PPP3CA: variants seen among roughly 807,000 people sequenced by gnomAD.
The protein encoded by PPP3CA is protein phosphatase 3 catalytic subunit alpha.
In PPP3CA, 14 loss-of-function variants were observed where a neutral mutation model predicts 66.5. The ratio of observed to expected loss-of-function variants is 0.21; its 90% CI spans 0.14 to 0.33. PPP3CA has a LOEUF of 0.33. Ranked by LOEUF, PPP3CA falls within the 10% of genes least tolerant of loss-of-function variation. The pLI is 1.00. For missense variants in PPP3CA, 317 were observed against 639.5 expected (o/e 0.50, Z 5.44); for synonymous variants, 232 against 226.2 (o/e 1.03, Z -0.23).
At chr4:101,134,295 G>T (rs1287855740) in intron 2 of PPP3CA, among the ~76,000 whole-genome samples, 2 of 152,140 alleles carry the variant, frequency 1.3e-5, no homozygotes, top group African/African-American at 4.8e-5. Context: ...TCATCAGAAT[G>T]AACAGGCAAC....
chr4:101,156,272 T>C (rs1169063395), intron 2 of PPP3CA, among the ~76,000 whole-genome samples: 3 of 151,892 alleles, frequency 2.0e-5, no homozygotes, highest in African/African-American at 7.3e-5. Flanking sequence ...ACCACACCAG[T>C]CCCCATGTGA....
intron 1 of PPP3CA, among the ~76,000 whole-genome samples, chr4:101,231,841 T>C (rs766736979): frequency 1.4e-4 from 21 of 151,728 alleles, no homozygotes; most frequent in Non-Finnish European, 2.7e-4. Context: ...AATCTCCTTG[T>C]TAAAAATTCC....
At chr4:101,289,247 A>C (rs2110286945) in intron 1 of PPP3CA, among the ~76,000 whole-genome samples, 1 of 152,378 alleles carries the variant, frequency 6.6e-6, no homozygotes, top group East Asian at 1.9e-4. Flanking sequence ...ACATATATAC[A>C]TATAGGTGTA....
chr4:101,180,409 C>T (rs947450501), intron 2 of PPP3CA, among the ~76,000 whole-genome samples: 13 of 152,096 alleles, frequency 8.5e-5, no homozygotes, highest in Non-Finnish European at 1.5e-4. Flanking sequence ...AAAGGACAGA[C>T]TGTGAAAATA....
At chr4:101,042,187 T>C (rs900161911) in intron 10 of PPP3CA, among the ~76,000 whole-genome samples, 1 of 151,142 alleles carries the variant, frequency 6.6e-6, no homozygotes, top group Non-Finnish European at 1.5e-5. Context: ...TTTTTTTTTT[T>C]TTTTTTGCCC....
intron 1 of PPP3CA, among the ~76,000 whole-genome samples, chr4:101,240,031 T>G (rs866289664): frequency 0.036 from 1,298 of 36,290 alleles, 22 homozygotes; most frequent in African/African-American, 0.056. Context: ...ATTTTTTTGG[T>G]TTTTTTTTGG....
intron 1 of PPP3CA, among the ~76,000 whole-genome samples, chr4:101,283,326 G>A (rs1210263971): frequency 1.3e-5 from 2 of 152,138 alleles, no homozygotes; most frequent in Admixed American, 6.5e-5. Context: ...AATACTCTCT[G>A]TAACAAGAGA....
chr4:101,147,978 A>AT (rs1723021409), intron 2 of PPP3CA, among the ~76,000 whole-genome samples: 1 of 152,206 alleles, frequency 6.6e-6, no homozygotes, highest in Non-Finnish European at 1.5e-5. Context: ...AAATAGACAC[A>AT]ATCAGGTAAT....
At chr4:101,117,933 T>G (rs988663154) in intron 2 of PPP3CA, among the ~76,000 whole-genome samples, 1 of 151,906 alleles carries the variant, frequency 6.6e-6, no homozygotes, top group Admixed American at 6.6e-5. Context: ...ACATATAAAC[T>G]ACATATAAAT....
At chr4:101,179,181 C>G (rs1213883604) in intron 2 of PPP3CA, among the ~76,000 whole-genome samples, 1 of 152,022 alleles carries the variant, frequency 6.6e-6, no homozygotes, top group Non-Finnish European at 1.5e-5. Context: ...AAGAGGTGTC[C>G]AGGTCATCAC....
At chr4:101,178,529 G>A (rs1359106661) in intron 2 of PPP3CA, among the ~76,000 whole-genome samples, 1 of 151,920 alleles carries the variant, frequency 6.6e-6, no homozygotes, top group Non-Finnish European at 1.5e-5. Flanking sequence ...GACCTCTACT[G>A]GACAGACTTT....
intron 1 of PPP3CA, among the ~76,000 whole-genome samples, chr4:101,336,737 C>A (rs1729645960): frequency 6.6e-6 from 1 of 152,188 alleles, no homozygotes; most frequent in African/African-American, 2.4e-5. Flanking sequence ...GAAAATATTT[C>A]TTCAAAGCAG....
intron 3 of PPP3CA, among the ~76,000 whole-genome samples, chr4:101,106,385 G>GA (rs1368851419): frequency 5.5e-4 from 2 of 3,638 alleles, no homozygotes; most frequent in African/African-American, 1.6e-3. Context: ...AAGAAAGAAA[G>GA]AAAGAAAGAA....
chr4:101,083,398 G>A, intron 6 of PPP3CA, 135 bp from the exon 7 acceptor site: 1 of 766,120 alleles, frequency 1.3e-6, no homozygotes, highest in Non-Finnish European at 2.1e-6. Flanking sequence ...CAAGCCTCTT[G>A]ACTCTAAGGC....
At chr4:101,196,160 C>T (rs754120574) in intron 1 of PPP3CA, 44 bp from the exon 2 acceptor site, 1 of 1,562,076 alleles carries the variant, frequency 6.4e-7, no homozygotes, top group Admixed American at 1.7e-5. Context: ...CAAAACTCAA[C>T]AACAAACAAT....
At chr4:101,208,781 C>CT (rs1325658867) in intron 1 of PPP3CA, among the ~76,000 whole-genome samples, 5 of 152,198 alleles carry the variant, frequency 3.3e-5, no homozygotes, top group Admixed American at 1.3e-4. Flanking sequence ...ACTGTCAGTT[C>CT]TTTTTTGGAA....
At chr4:101,174,283 G>C (rs1225846093) in intron 2 of PPP3CA, among the ~76,000 whole-genome samples, 1 of 151,958 alleles carries the variant, frequency 6.6e-6, no homozygotes, top group Admixed American at 6.6e-5. Flanking sequence ...TTTGAAACAT[G>C]AACCTAAACG....
chr4:101,170,518 G>A (rs1024327226), intron 2 of PPP3CA, among the ~76,000 whole-genome samples: 2 of 151,968 alleles, frequency 1.3e-5, no homozygotes, highest in Non-Finnish European at 2.9e-5. Flanking sequence ...TAACTGGAAA[G>A]GAGTTAAGGG....
At chr4:101,124,418 G>A (rs1040421734) in intron 2 of PPP3CA, among the ~76,000 whole-genome samples, 1 of 151,996 alleles carries the variant, frequency 6.6e-6, no homozygotes, top group Non-Finnish European at 1.5e-5. Flanking sequence ...GTTCCTAGGA[G>A]TTCCAGACCA....
Sources: allele counts gnomAD v4.1 joint callset (sites outside exome capture counted in the v4.1 genomes callset), GRCh38; gene constraint gnomAD v4.1.1; transcripts MANE v1.5; gene names NCBI Gene and HGNC (gene_info 2026-07-23, HGNC 2026-07-21).